The following ZNF280B variants were observed in gnomAD, a reference collection of about 807,000 sequenced individuals.
ZNF280B encodes the protein suppressor of hairy wing homolog 2.
Under a neutral mutation model 38.0 loss-of-function variants are expected in ZNF280B, and 16 were observed. That is an observed-to-expected ratio of 0.42 (90% CI 0.28 to 0.64). The LOEUF is 0.64. Among genes scored for constraint, ZNF280B ranks in the 30% least tolerant of loss-of-function variants. ZNF280B has a pLI of 0.21. For missense variants in ZNF280B, 581 were observed against 639.6 expected, an observed-to-expected ratio of 0.91 and a Z score of 0.99; for synonymous variants, 253 against 230.6, an observed-to-expected ratio of 1.10 and a Z score of -0.88.
At chr22:22,504,396 C>T (rs573250602) in intron 2 of ZNF280B, among the ~76,000 whole-genome samples, 83 of 148,340 alleles carry the variant, frequency 5.6e-4, no homozygotes, top group African/African-American at 1.9e-3. Context: ...CACTGCACTC[C>T]GGCCTGGACA....
At position 22,488,371 on chromosome 22, in the gene ZNF280B, G is replaced by A; in HGVS notation, c.1028C>T (p.Thr343Ile). The change falls in exon 4 of 4, where the codon ACC becomes ATC. Residue 343 changes from threonine to isoleucine, a missense_variant. Transcript: ENST00000626650. ...CTGCCGGTGGCAGTGCTGGCAGGTG[G>A]TGTGGTTTTCCCAGCTGTCGTTCCT... ...KQRNDSWENH[T>I]TCQHCHRQFP... is the part of the protein sequence containing the mutation. The A allele has an allele frequency of 6.2e-7, 1 of 1,613,890 alleles. No individual in the cohort carries two copies. Among genetic ancestry groups the A allele is most frequent in the Non-Finnish European group, 8.5e-7 (1 of 1,179,976 alleles).
At chr22:22,499,632 C>A (rs541508922) in intron 2 of ZNF280B, among the ~76,000 whole-genome samples, 1 of 152,114 alleles carries the variant, frequency 6.6e-6, no homozygotes, top group South Asian at 2.1e-4. Flanking sequence ...CAAAAGCTAA[C>A]ATCCTTTTAT....
rs759843283 is a variant in ZNF280B, at chr22:22,486,067, T to TTA, written c.*1698_*1699dup. On this transcript the variant is annotated 3_prime_UTR_variant, in exon 4 of 4. Coordinates refer to ENST00000626650, the MANE Select transcript of ZNF280B (RefSeq NM_080764.4). Reference sequence around the variant, plus strand: ...GGACATTAACTCTAAGTCTTAAAACTTATTGAATTAGAGAGACATTTCTTG... The same window carrying TTA: ...GGACATTAACTCTAAGTCTTAAAACTTATATTGAATTAGAGAGACATTTCTTG... 38 of 151,964 alleles carry TTA rather than the reference T, an allele frequency of 2.5e-4. No individual in the cohort carries two copies. The highest frequency in any genetic ancestry group is 4.3e-4 in the Non-Finnish European group (29 of 68,012). The allele number at this position is 151,964 out of a possible 1,614,324, so 9.4% of individuals were successfully genotyped here.
At position 22,485,546 on chromosome 22, in the gene ZNF280B, A is replaced by G. The variant is rs1238455436; in HGVS notation, c.*2221T>C. The G allele has an allele frequency of 6.6e-6, 1 of 151,976 alleles. No individual in the cohort carries two copies. The highest frequency in any genetic ancestry group is 1.5e-5 in the Non-Finnish European group (1 of 68,024). The allele number at this position is 151,976 out of a possible 1,614,324, so 9.4% of individuals were successfully genotyped here. A position where few individuals can be genotyped will look rare whatever the true frequency, so the allele number is the denominator to read the frequency against. ...CCGGCAAATAAATACAACAGAATCT[A>G]TGGATCTAGAGTCAGAAAATTTTCT... On this transcript the variant is annotated 3_prime_UTR_variant, in exon 4 of 4. Coordinates refer to ENST00000626650, the MANE Select transcript of ZNF280B (RefSeq NM_080764.4).
Position 22,488,215 on chromosome 22 carries a change from T to C in ZNF280B, c.1184A>G (p.His395Arg). The change falls in exon 4 of 4, where the codon CAT becomes CGT. Residue 395 changes from histidine to arginine, a missense_variant. His to Arg is a conservative substitution (Grantham distance 29). Coordinates refer to ENST00000626650, the MANE Select transcript of ZNF280B (RefSeq NM_080764.4). ...DQVLLQHMKD[H>R]HKPGEMPYVC... ...ATAGGGCATTTCGCCAGGCTTATGA[T>C]GGTCCTTCATGTGTTGTAAGAGGAC... 1.2e-6 allele frequency: 2 copies of C among 1,613,932 alleles called. No individual in the cohort carries two copies. Among genetic ancestry groups the C allele is most frequent in the Non-Finnish European group, 1.7e-6 (2 of 1,179,978 alleles).
intron 3 of ZNF280B, among the ~76,000 whole-genome samples, chr22:22,490,830 A>C (rs112041264): frequency 9.9e-5 from 15 of 151,100 alleles, no homozygotes; most frequent in African/African-American, 3.7e-4. Context: ...GTTCCTTCCA[A>C]TATGAATGAT....
rs5758470 is a variant in ZNF280B at position 22,486,760 on chromosome 22, C to T, written c.*1007G>A. 0.15 allele frequency: 22,580 copies of T among 151,828 alleles called. 1,964 individuals carry two copies. The highest frequency in any genetic ancestry group is 0.3 in the South Asian group (1,416 of 4,796). 9.4% of individuals were successfully genotyped at this position (151,828 alleles called of 1,614,324 possible). Reference sequence around the variant, plus strand: ...TTGGATGTTTTCAGGTAGGTAAAGACACTCTGAAGCAGTGTTCCTTTTGAC... The same window carrying T: ...TTGGATGTTTTCAGGTAGGTAAAGATACTCTGAAGCAGTGTTCCTTTTGAC... On this transcript the variant is annotated 3_prime_UTR_variant, in exon 4 of 4. Transcript: ENST00000626650.
intron 2 of ZNF280B, among the ~76,000 whole-genome samples, chr22:22,495,607 G>A (rs145077450): frequency 6.6e-6 from 1 of 152,064 alleles, no homozygotes; most frequent in East Asian, 2.0e-4. Context: ...GTCTCATGGA[G>A]AAGGTAAATT....
chr22:22,501,144 T>C (rs2061816299), intron 2 of ZNF280B, among the ~76,000 whole-genome samples: 1 of 151,846 alleles, frequency 6.6e-6, no homozygotes, highest in East Asian at 2.0e-4. Flanking sequence ...ATTGTTTCAG[T>C]TCTGCAAGAT....
chr22:22,505,561 A>T (rs1265240228), intron 2 of ZNF280B, among the ~76,000 whole-genome samples: 1 of 150,290 alleles, frequency 6.7e-6, no homozygotes, highest in Non-Finnish European at 1.5e-5. Context: ...GCAAGACTCC[A>T]TCTCAAAAAA....
intron 2 of ZNF280B, among the ~76,000 whole-genome samples, chr22:22,495,748 G>A (rs891415457): frequency 6.6e-5 from 10 of 151,648 alleles, no homozygotes; most frequent in African/African-American, 2.2e-4. Flanking sequence ...GATAAGGAAC[G>A]ACCTTGGTTT....
Position 22,486,861 on chromosome 22 carries a change from C to T in ZNF280B, c.*906G>A, listed in dbSNP as rs1460691721. The T allele has an allele frequency of 6.6e-6, 1 of 151,970 alleles. No individual in the cohort carries two copies. The highest frequency in any genetic ancestry group is 6.6e-5 in the Admixed American group (1 of 15,242). 9.4% of individuals were successfully genotyped at this position (151,970 alleles called of 1,614,324 possible). Reference sequence around the variant, plus strand: ...GAACCACTGCTCTCCCTCAACTAACCTCCGCCTTCTTGGTCTCTGCTCACG... The same window carrying T: ...GAACCACTGCTCTCCCTCAACTAACTTCCGCCTTCTTGGTCTCTGCTCACG... On this transcript the variant is annotated 3_prime_UTR_variant, in exon 4 of 4. Transcript: ENST00000626650.
intron 2 of ZNF280B, among the ~76,000 whole-genome samples, chr22:22,497,208 TAAAAAA>T (rs71199486): frequency 2.1e-4 from 7 of 33,624 alleles, no homozygotes; most frequent in African/African-American, 5.7e-4. Flanking sequence ...TCTCCATCTT[TAAAAAA>T]AAAAAAAAAA....
At chr22:22,502,020 T>C (rs2061836290) in intron 2 of ZNF280B, among the ~76,000 whole-genome samples, 1 of 150,126 alleles carries the variant, frequency 6.7e-6, no homozygotes, top group Non-Finnish European at 1.5e-5. Context: ...TGAGGCAGGG[T>C]GGCAGCTGAG....
intron 1 of ZNF280B, among the ~76,000 whole-genome samples, 191 bp downstream of exon 1, chr22:22,508,468 G>T (rs944435237): frequency 1.2e-4 from 18 of 151,750 alleles, no homozygotes; most frequent in African/African-American, 4.4e-4. Context: ...AGGGAAGGGG[G>T]TGTGCGTGAG....
At chr22:22,504,592 T>C (rs2061896416) in intron 2 of ZNF280B, among the ~76,000 whole-genome samples, 1 of 152,048 alleles carries the variant, frequency 6.6e-6, no homozygotes, top group East Asian at 2.0e-4. Context: ...TAGGGAGAAA[T>C]TGTTAATCTA....
chr22:22,496,661 A>G (rs2061701857), intron 2 of ZNF280B, among the ~76,000 whole-genome samples: 1 of 151,670 alleles, frequency 6.6e-6, no homozygotes, highest in South Asian at 2.1e-4. Context: ...TTGAGAAAGA[A>G]GCAGTGGGGT....
At chr22:22,504,906 G>C (rs889716727) in intron 2 of ZNF280B, among the ~76,000 whole-genome samples, 1 of 151,942 alleles carries the variant, frequency 6.6e-6, no homozygotes, top group African/African-American at 2.4e-5. Flanking sequence ...GCCATGTATT[G>C]GTCTGGTGAT....
chr22:22,499,195 A>G (rs1224329587), intron 2 of ZNF280B, among the ~76,000 whole-genome samples: 1 of 151,984 alleles, frequency 6.6e-6, no homozygotes, highest in African/African-American at 2.4e-5. Context: ...AGTGGGATTT[A>G]TTTAAAAAAT....
Sources: gnomAD v4.1 joint callset for allele counts (sites outside exome capture counted in the v4.1 genomes callset) on GRCh38, gnomAD v4.1.1 for gene constraint, MANE v1.5 for transcripts, NCBI Gene and HGNC (gene_info 2026-07-23, HGNC 2026-07-21) for gene names.